SLF2: variants seen among roughly 807,000 people sequenced by gnomAD.
SLF2 encodes the protein SMC5-SMC6 complex localization factor protein 2.
SLF2 carries 68 observed loss-of-function variants against 124.3 expected under a neutral mutation model. The observed-to-expected ratio is 0.55, with a 90% confidence interval of 0.45 to 0.67. SLF2 has a LOEUF of 0.67. Ranked by LOEUF, SLF2 falls within the 30% of genes least tolerant of loss-of-function variation. The pLI is 0.00. For missense variants in SLF2, 1,246 were observed against 1,373.7 expected, an observed-to-expected ratio of 0.91 and a Z score of 1.47; for synonymous variants, 480 against 478.8, an observed-to-expected ratio of 1.00 and a Z score of -0.03.
Position 100,950,953 on chromosome 10 carries a change from A to G in SLF2, c.3330+200A>G, listed in dbSNP as rs1370101656. Among the ~76,000 whole-genome samples the G allele has an allele frequency of 2.6e-5, 4 of 152,176 alleles. No homozygotes were observed. The East Asian group carries it at 7.7e-4, about 29-fold the overall frequency. ...TTGTAACTATATCGTATTGAAAAGAATTGTTGGCCAGGCGCCATGGCTCAC... is the reference window on the plus strand; with the variant it reads ...TTGTAACTATATCGTATTGAAAAGAGTTGTTGGCCAGGCGCCATGGCTCAC... On this transcript the variant is annotated intron_variant, in intron 17 of 19. Coordinates refer to ENST00000238961, the MANE Select transcript of SLF2 (RefSeq NM_018121.4).
In SLF2 at chr10:100,950,680, A is replaced by C. The variant is rs996133817; in HGVS notation, c.3257A>C (p.Tyr1086Ser). 5 of 1,612,724 alleles carry C rather than the reference A, an allele frequency of 3.1e-6. No individual in the cohort carries two copies. The highest frequency in any genetic ancestry group is 3.3e-5 in the Admixed American group (2 of 59,980). ...TTTTATTCATTTCTCTAACAGGCAT[A>C]TTACCTGACCTACATTCTTCTTCAT... ...SLHLELEKQA[Y>S]YLTYILLHLV... The change falls in exon 17 of 20, where the codon TAT becomes TCT. Residue 1086 changes from tyrosine to serine, a missense_variant. Physicochemically the swap from Tyr to Ser is moderately radical, Grantham distance 144. Transcript: ENST00000238961.
At chr10:100,934,075 A>G (rs1369288461) in intron 9 of SLF2, among the ~76,000 whole-genome samples, 1 of 152,216 alleles carries the variant, frequency 6.6e-6, no homozygotes, top group Admixed American at 6.5e-5. Context: ...CCCAAGTCCT[A>G]ATTTCTGGAG....
intron 9 of SLF2, among the ~76,000 whole-genome samples, chr10:100,932,692 AGTGTGTGTGTGTGTGTGTGTGTGTGT>A (rs111530755): frequency 7.5e-6 from 1 of 133,540 alleles, no homozygotes; most frequent in South Asian, 2.5e-4. Context: ...ACAAACAATA[AGTGTGTGTGTGTGTGTGTGTGTGTGT>A]GTGCGCGCGC....
At chr10:100,950,299 TTGG>T in intron 16 of SLF2, 92 bp downstream of exon 16, 4 of 1,326,890 alleles carry the variant, frequency 3.0e-6, no homozygotes, top group Non-Finnish European at 4.0e-6. Flanking sequence ...ATTTCTGGAT[TTGG>T]ACACTAGACA....
At chr10:100,955,194 C>T (rs541707016) in intron 17 of SLF2, among the ~76,000 whole-genome samples, 58 of 151,764 alleles carry the variant, frequency 3.8e-4, no homozygotes, top group Non-Finnish European at 7.1e-4. Context: ...CCCGCCTCGG[C>T]CTCCCAAAGT....
At chr10:100,933,412 C>T (rs1056077403) in intron 9 of SLF2, among the ~76,000 whole-genome samples, 5 of 152,098 alleles carry the variant, frequency 3.3e-5, no homozygotes, top group Non-Finnish European at 1.5e-5. Context: ...CCGTTTTCAT[C>T]GTGGGAGGCT....
chr10:100,922,349 C>CA lies in SLF2; in HGVS notation c.974-1625dup, dbSNP rs1229448084. On this transcript the variant is annotated intron_variant, in intron 4 of 19. Coordinates refer to ENST00000238961, the MANE Select transcript of SLF2 (RefSeq NM_018121.4). ...AAGTGCTGGGATTACAGGCATGAGCCACTAGACATGGCCAAAAGATAAGAA... is the reference window on the plus strand; with the variant it reads ...AAGTGCTGGGATTACAGGCATGAGCCAACTAGACATGGCCAAAAGATAAGAA... 3.3e-5 allele frequency among the ~76,000 whole-genome samples: 5 copies of CA among 152,160 alleles called. No individual in the cohort carries two copies. The East Asian group carries it at 9.7e-4, about 29-fold the overall frequency.
At chr10:100,942,450 G>A (rs1055318910) in intron 11 of SLF2, among the ~76,000 whole-genome samples, 1 of 152,178 alleles carries the variant, frequency 6.6e-6, no homozygotes, top group African/African-American at 2.4e-5. Flanking sequence ...GGGGATGGGA[G>A]TGCATAGAAC....
intron 5 of SLF2, 117 bp downstream of exon 5, chr10:100,925,089 T>C (rs1849591178): frequency 9.4e-7 from 1 of 1,067,350 alleles, no homozygotes; most frequent in African/African-American, 1.6e-5. Context: ...CTCATATTTG[T>C]ACTGAAAATG....
At chr10:100,913,799 T>C in intron 1 of SLF2, 1 of 985,722 alleles carries the variant, frequency 1.0e-6, no homozygotes, top group Non-Finnish European at 1.2e-6. Context: ...GCTAATTTTT[T>C]TGTAAAGATT....
intron 15 of SLF2, 122 bp from the exon 16 acceptor site, chr10:100,949,954 T>C: frequency 1.0e-6 from 1 of 973,150 alleles, no homozygotes; most frequent in Non-Finnish European, 1.4e-6. Context: ...TGGATATTGT[T>C]AAGTGTAAAG....
rs1228834842 is a variant in SLF2 at position 100,964,041 on chromosome 10, T to C, written c.*2129T>C. On this transcript the variant is annotated 3_prime_UTR_variant, in exon 20 of 20. Transcript: ENST00000238961. Reference sequence around the variant, plus strand: ...GTCATAGTCCAGTCAGTATTTGCATTTGGGTTCTCATGAAAACTTTGTGAC... The same window carrying C: ...GTCATAGTCCAGTCAGTATTTGCATCTGGGTTCTCATGAAAACTTTGTGAC... 6.6e-6 allele frequency: 1 copy of C among 152,604 alleles called. No individual in the cohort carries two copies. Among genetic ancestry groups the C allele is most frequent in the Non-Finnish European group, 1.5e-5 (1 of 68,030 alleles). 9.5% of individuals were successfully genotyped at this position (152,604 alleles called of 1,614,324 possible). A position where few individuals can be genotyped will look rare whatever the true frequency, so the allele number is the denominator to read the frequency against.
chr10:100,949,085 C>A lies in SLF2; in HGVS notation c.3121-991C>A, dbSNP rs752089076. Among the ~76,000 whole-genome samples the A allele has an allele frequency of 5.9e-5, 9 of 152,224 alleles. No individual in the cohort carries two copies. The East Asian group carries it at 7.7e-4, about 13-fold the overall frequency. On this transcript the variant is annotated intron_variant, in intron 15 of 19. Coordinates refer to ENST00000238961, the MANE Select transcript of SLF2 (RefSeq NM_018121.4). ...GGGTTAGTGTGGTAAGAACAGTAAT[C>A]GAAGCATGCACGAGATGCTGTGGGA... is the stretch of plus-strand genomic sequence containing the variant.
At chr10:100,930,881 T>C (rs1564775232) in intron 8 of SLF2, 95 bp from the exon 9 acceptor site, 3 of 929,918 alleles carry the variant, frequency 3.2e-6, no homozygotes, top group South Asian at 2.9e-5. Context: ...GTTTGCTTGC[T>C]CATTTCTCTG....
chr10:100,939,378 TA>T (rs1017422594), intron 11 of SLF2, among the ~76,000 whole-genome samples: 115 of 130,306 alleles, frequency 8.8e-4, no homozygotes, highest in Middle Eastern at 5.2e-3. Context: ...ACCTTGTCTT[TA>T]AAAAAAAAAA....
chr10:100,936,482 C>T (rs1397669586), intron 9 of SLF2, among the ~76,000 whole-genome samples: 7 of 152,044 alleles, frequency 4.6e-5, no homozygotes, highest in East Asian at 3.9e-4. Flanking sequence ...TACAGGAACC[C>T]GCCACCACGC....
intron 19 of SLF2, among the ~76,000 whole-genome samples, chr10:100,960,971 G>C (rs945831877): frequency 2.1e-5 from 3 of 144,628 alleles, no homozygotes; most frequent in African/African-American, 7.6e-5. Flanking sequence ...CATAGGTCTG[G>C]AGTGAGAACT....
chr10:100,934,437 T>A (rs775913564), intron 9 of SLF2, among the ~76,000 whole-genome samples: 5 of 152,170 alleles, frequency 3.3e-5, no homozygotes, highest in Non-Finnish European at 7.3e-5. Flanking sequence ...GTCCTATGTG[T>A]AACATGTCTG....
At chr10:100,950,590 C>T (rs1850192384) in intron 16 of SLF2, 86 bp from the exon 17 acceptor site, 1 of 1,172,938 alleles carries the variant, frequency 8.5e-7, no homozygotes. Flanking sequence ...CTTTATCCTT[C>T]CTGGGCAATT....
Sources: allele counts gnomAD v4.1 joint callset (sites outside exome capture counted in the v4.1 genomes callset), GRCh38; gene constraint gnomAD v4.1.1; transcripts MANE v1.5; gene names NCBI Gene and HGNC (gene_info 2026-07-23, HGNC 2026-07-21).